Variants in ADAMTSL1 observed in about 807,000 individuals in gnomAD.
ADAMTSL1 encodes the protein ADAMTS like 1.
Under a neutral mutation model 201.8 loss-of-function variants are expected in ADAMTSL1, and 126 were observed. The ratio of observed to expected loss-of-function variants is 0.62; its 90% CI spans 0.54 to 0.72. The LOEUF (loss-of-function observed/expected upper bound fraction) is 0.72. Ranked by LOEUF, ADAMTSL1 falls within the 30% of genes least tolerant of loss-of-function variation. The pLI is 0.00. For missense variants in ADAMTSL1, 2,679 were observed against 2,277.8 expected (o/e 1.18, Z -3.59); for synonymous variants, 1,121 against 903.4 (o/e 1.24, Z -4.32).
At chr9:18,392,555 T>C (rs1838095341) in intron 2 of ADAMTSL1, among the ~76,000 whole-genome samples, 2 of 152,206 alleles carry the variant, frequency 1.3e-5, no homozygotes, top group Non-Finnish European at 2.9e-5. Context: ...TGTTATTTAG[T>C]ATTTTTGAAA....
At chr9:18,030,869 T>C (rs1014391167) in intron 1 of ADAMTSL1, among the ~76,000 whole-genome samples, 8 of 152,144 alleles carry the variant, frequency 5.3e-5, no homozygotes, top group African/African-American at 9.7e-5. Context: ...TAAAAATTCA[T>C]TTTTCTTTAT....
chr9:18,763,337 TC>T (rs1190843053), intron 16 of ADAMTSL1, among the ~76,000 whole-genome samples: 2 of 152,194 alleles, frequency 1.3e-5, no homozygotes, highest in Non-Finnish European at 2.9e-5. Flanking sequence ...CTTTTGCCCA[TC>T]TTTTGATTAT....
At position 18,856,150 on chromosome 9, in the gene ADAMTSL1, T is replaced by C. The variant is rs1417347341; in HGVS notation, c.4249+26173T>C. On this transcript the variant is annotated intron_variant, in intron 23 of 28. Transcript: ENST00000380548. Reference sequence around the variant, plus strand: ...TGAGATTTTAATGAAGAGCTTCTGCTAAGCACACTGAAATGATGCCAAAAA... The same window carrying C: ...TGAGATTTTAATGAAGAGCTTCTGCCAAGCACACTGAAATGATGCCAAAAA... Among the ~76,000 whole-genome samples, 3 of 152,150 alleles carry C rather than the reference T, an allele frequency of 2.0e-5. No homozygotes were observed. The East Asian group carries it at 5.8e-4, about 29-fold the overall frequency.
chr9:18,374,111 C>T (rs956188369), intron 2 of ADAMTSL1, among the ~76,000 whole-genome samples: 3 of 152,102 alleles, frequency 2.0e-5, no homozygotes, highest in African/African-American at 7.2e-5. Context: ...ATGGCCTGGG[C>T]ATCAGCAATT....
At position 17,915,871 on chromosome 9, in the gene ADAMTSL1, C is replaced by T. The variant is rs187095260; in HGVS notation, c.87+8949C>T. On this transcript the variant is annotated intron_variant, in intron 1 of 29. Coordinates refer to the ADAMTSL1 transcript ENST00000680146. ...AAAATTTCTATTCAAATATTTAGCC[C>T]ATTATAGGATTGTTAGTTTTCTTAT... Among the ~76,000 whole-genome samples the T allele has an allele frequency of 3.0e-3, 452 of 152,188 alleles. 2 individuals are homozygous for T. The highest frequency in any genetic ancestry group is 4.1e-3 in the Admixed American group (62 of 15,278).
chr9:17,977,472 C>T lies in ADAMTSL1; in HGVS notation c.87+70550C>T, dbSNP rs1036303790. Among the ~76,000 whole-genome samples the T allele has an allele frequency of 2.6e-5, 4 of 152,126 alleles. No individual in the cohort carries two copies. The East Asian group carries it at 5.8e-4, about 22-fold the overall frequency. ...TTTGATTATTGATTCAATCTCCTTA[C>T]TCATTATTGGTTTGTTCAGATGATC... is the stretch of plus-strand genomic sequence containing the variant. On this transcript the variant is annotated intron_variant, in intron 1 of 29. Transcript: ENST00000680146.
chr9:18,242,514 C>A (rs979802374), intron 2 of ADAMTSL1, among the ~76,000 whole-genome samples: 1 of 151,914 alleles, frequency 6.6e-6, no homozygotes, highest in South Asian at 2.1e-4. Context: ...TAGCAAGAAC[C>A]ATGTGACAAG....
At chr9:18,766,048 AAAC>A (rs1047942452) in intron 16 of ADAMTSL1, among the ~76,000 whole-genome samples, 34 of 150,822 alleles carry the variant, frequency 2.3e-4, no homozygotes, top group African/African-American at 8.4e-4. Flanking sequence ...TTGAGGAACA[AAAC>A]AACAAAAAAA....
chr9:18,891,818 A>G (rs1428503801), intron 25 of ADAMTSL1, among the ~76,000 whole-genome samples: 1 of 152,226 alleles, frequency 6.6e-6, no homozygotes, highest in African/African-American at 2.4e-5. Flanking sequence ...ACTTCCCTAG[A>G]ACAACTGTCT....
At chr9:18,269,772 A>C (rs1235940312) in intron 2 of ADAMTSL1, among the ~76,000 whole-genome samples, 1 of 152,022 alleles carries the variant, frequency 6.6e-6, no homozygotes, top group Non-Finnish European at 1.5e-5. Flanking sequence ...CCTTTCCCAG[A>C]ACTTGAAACA....
intron 2 of ADAMTSL1, among the ~76,000 whole-genome samples, chr9:18,345,979 G>A (rs1835695628): frequency 6.6e-6 from 1 of 152,022 alleles, no homozygotes; most frequent in Admixed American, 6.6e-5. Flanking sequence ...AGTGGTCCTG[G>A]CCCTCTCATG....
chr9:17,982,396 C>T (rs575165410), intron 1 of ADAMTSL1, among the ~76,000 whole-genome samples: 42 of 152,098 alleles, frequency 2.8e-4, no homozygotes, highest in South Asian at 1.2e-3. Context: ...GGGTGGATCA[C>T]GAAGTAAGGA....
At chr9:18,180,040 A>G (rs201352033) in intron 2 of ADAMTSL1, among the ~76,000 whole-genome samples, 10 of 151,814 alleles carry the variant, frequency 6.6e-5, no homozygotes, top group Admixed American at 2.6e-4. Context: ...AACTTTAAAT[A>G]TAAATGGACT....
intron 2 of ADAMTSL1, among the ~76,000 whole-genome samples, chr9:18,465,199 C>T (rs1417278202): frequency 6.6e-6 from 1 of 152,152 alleles, no homozygotes; most frequent in Non-Finnish European, 1.5e-5. Flanking sequence ...CTCCCAGAGG[C>T]CAGTATGAAA....
intron 2 of ADAMTSL1, among the ~76,000 whole-genome samples, chr9:18,351,037 A>T (rs146220442): frequency 6.6e-6 from 1 of 152,290 alleles, no homozygotes; most frequent in East Asian, 1.9e-4. Context: ...GATGAGACTT[A>T]GCTATTTGTA....
At chr9:17,968,599 G>A (rs1295549039) in intron 1 of ADAMTSL1, among the ~76,000 whole-genome samples, 1 of 152,058 alleles carries the variant, frequency 6.6e-6, no homozygotes, top group African/African-American at 2.4e-5. Flanking sequence ...TAGTTAGGAG[G>A]ATGTTCTCCC....
intron 7 of ADAMTSL1, among the ~76,000 whole-genome samples, chr9:18,649,286 T>C (rs13292276): frequency 0.18 from 26,090 of 145,464 alleles, 2,276 homozygotes; most frequent in Middle Eastern, 0.23. Flanking sequence ...GTTATACATT[T>C]GTCTAAATTT....
intron 2 of ADAMTSL1, among the ~76,000 whole-genome samples, chr9:18,326,431 C>CAAA (rs1834833299): frequency 9.1e-6 from 1 of 109,552 alleles, no homozygotes; most frequent in African/African-American, 3.4e-5. Context: ...AATTTTTTAC[C>CAAA]TAAAAAAAAA....
intron 1 of ADAMTSL1, among the ~76,000 whole-genome samples, chr9:17,952,917 C>CCCTCATCCT (rs770558123): frequency 6.8e-6 from 1 of 145,994 alleles, no homozygotes; most frequent in East Asian, 2.0e-4. Context: ...TTCCTCCTTT[C>CCCTCATCCT]CCTCCTCCTC....
Sources: allele counts gnomAD v4.1 joint callset (sites outside exome capture counted in the v4.1 genomes callset), GRCh38; gene constraint gnomAD v4.1.1; transcripts MANE v1.5; gene names NCBI Gene and HGNC (gene_info 2026-07-23, HGNC 2026-07-21).